The following ERMP1 variants were observed in gnomAD, a reference collection of about 807,000 sequenced individuals.
The protein encoded by ERMP1 is endoplasmic reticulum metallopeptidase 1.
Under a neutral mutation model 92.0 loss-of-function variants are expected in ERMP1, and 86 were observed. That is an observed-to-expected ratio of 0.93 (90% CI 0.79 to 1.12). The LOEUF (loss-of-function observed/expected upper bound fraction) is 1.12, where lower values mean the gene tolerates loss of function less well. Ranked by LOEUF, ERMP1 falls within the 50% of genes most tolerant of loss-of-function variation. ERMP1 has a pLI of 0.00. For synonymous variants in ERMP1, 530 were observed against 412.8 expected (o/e 1.28, Z -3.44); for missense variants, 1,342 against 1,116.3 (o/e 1.20, Z -2.88).
At position 5,860,670 on chromosome 9, in the gene ERMP1, A is replaced by G. The variant is rs1328349216; in HGVS notation, n.3056-1059T>C. On this transcript the variant is annotated intron_variant and non_coding_transcript_variant, in intron 5 of 6. Coordinates refer to the ERMP1 transcript ENST00000690753. ...CACTCTGTTGCCCAGGCTGGCCTCGAACTCCTGGCCTCAAGCAATCCTCCT... is the reference window on the plus strand; with the variant it reads ...CACTCTGTTGCCCAGGCTGGCCTCGGACTCCTGGCCTCAAGCAATCCTCCT... Among the ~76,000 whole-genome samples the G allele has an allele frequency of 2.7e-5, 4 of 148,214 alleles. No homozygotes were observed. The East Asian group carries it at 6.0e-4, about 22-fold the overall frequency.
intron 6 of ERMP1, among the ~76,000 whole-genome samples, chr9:5,850,764 T>C (rs151317049): frequency 6.6e-6 from 1 of 152,328 alleles, no homozygotes; most frequent in Non-Finnish European, 1.5e-5. Flanking sequence ...CAGTCAGAGT[T>C]GGAAACCCAT....
chr9:5,864,062 T>C (rs1347644375), intron 5 of ERMP1, among the ~76,000 whole-genome samples: 1 of 152,222 alleles, frequency 6.6e-6, no homozygotes, highest in Non-Finnish European at 1.5e-5. Flanking sequence ...AAAAAGCTTA[T>C]GATAGATATG....
rs779656163 is a variant in ERMP1 at position 5,833,033 on chromosome 9, C to G, written c.-6G>C. 5.5e-5 allele frequency: 82 copies of G among 1,497,410 alleles called. No homozygotes were observed. The highest frequency in any genetic ancestry group is 6.7e-5 in the Non-Finnish European group (76 of 1,133,468). The allele number at this position is 1,497,410 out of a possible 1,614,324, so 92.8% of individuals were successfully genotyped here. ...GACTCAGAACCCCACTCCATGGCCACGAGCCTCAGCTGCCAGCCCAACCGC... is the reference window on the plus strand; with the variant it reads ...GACTCAGAACCCCACTCCATGGCCAGGAGCCTCAGCTGCCAGCCCAACCGC... On this transcript the variant is annotated 5_prime_UTR_variant, in exon 1 of 15. Transcript: ENST00000339450.
chr9:5,805,373 C>A (rs1464126082), intron 9 of ERMP1, among the ~76,000 whole-genome samples, 156 bp from the exon 10 acceptor site: 1 of 152,010 alleles, frequency 6.6e-6, no homozygotes, highest in Non-Finnish European at 1.5e-5. Flanking sequence ...GGATCTTTCA[C>A]TCAGGATAAA....
At chr9:5,801,557 T>C (rs1828673862) in intron 10 of ERMP1, among the ~76,000 whole-genome samples, 1 of 152,278 alleles carries the variant, frequency 6.6e-6, no homozygotes, top group Middle Eastern at 3.4e-3. Context: ...GCCATGATGG[T>C]GCCACCTTTT....
chr9:5,836,885 C>T (rs1830101108), upstream of ERMP1, among the ~76,000 whole-genome samples: 2 of 152,126 alleles, frequency 1.3e-5, no homozygotes, highest in African/African-American at 4.8e-5. Flanking sequence ...ATGAGCTTAA[C>T]GGGCCTTGGA....
chr9:5,813,285 GATCA>G (rs1022075829), intron 4 of ERMP1, among the ~76,000 whole-genome samples: 1 of 152,024 alleles, frequency 6.6e-6, no homozygotes, highest in African/African-American at 2.4e-5. Context: ...GAAAATGAAA[GATCA>G]TTCATAAATC....
rs141830507 is a variant in ERMP1, at chr9:5,810,103, T to C, written c.1456A>G (p.Asn486Asp). ...SLIGQSLSWY[N>D]HFYVSVCLYG... ...AGACAAACGGAGACATAGAAGTGGT[T>C]ATACCATGAGAGAGACTGTCCAATA... The change falls in exon 8 of 15, where the codon AAC becomes GAC. Residue 486 changes from asparagine (N) to aspartate (D), a missense_variant. Coordinates refer to ENST00000339450, the MANE Select transcript of ERMP1 (RefSeq NM_024896.3). 610 of 1,613,796 alleles carry C rather than the reference T, an allele frequency of 3.8e-4. No homozygotes were observed. Among genetic ancestry groups the C allele is most frequent in the Non-Finnish European group, 4.7e-4 (553 of 1,179,804 alleles).
chr9:5,851,353 T>C (rs1307857987), intron 6 of ERMP1, among the ~76,000 whole-genome samples: 3 of 152,240 alleles, frequency 2.0e-5, no homozygotes, highest in Non-Finnish European at 2.9e-5. Flanking sequence ...ATGTCCTTTT[T>C]TGATTTATTC....
At position 5,833,029 on chromosome 9, in the gene ERMP1, G is replaced by A; in HGVS notation, c.-2C>T. ...AGCCGACTCAGAACCCCACTCCATG[G>A]CCACGAGCCTCAGCTGCCAGCCCAA... On this transcript the variant is annotated 5_prime_UTR_variant, in exon 1 of 15. Transcript: ENST00000339450. 6.6e-7 allele frequency: 1 copy of A among 1,513,866 alleles called. No individual in the cohort carries two copies. The highest frequency in any genetic ancestry group is 8.8e-7 in the Non-Finnish European group (1 of 1,141,376). 93.8% of individuals were successfully genotyped at this position (1,513,866 alleles called of 1,614,324 possible).
chr9:5,866,018 G>A lies in ERMP1; in HGVS notation n.3055+1784C>T, dbSNP rs532579179. Among the ~76,000 whole-genome samples, 4 of 152,142 alleles carry A rather than the reference G, an allele frequency of 2.6e-5. No homozygotes were observed. In the East Asian group the frequency reaches 7.7e-4, roughly 29 times the overall value. On this transcript the variant is annotated intron_variant and non_coding_transcript_variant, in intron 5 of 6. Transcript: ENST00000690753. ...ATTTTCCAAGTTTTTGGCAGTAAGT[G>A]TGTTACTTTTAATAATAATTTTTTA...
intron 6 of ERMP1, among the ~76,000 whole-genome samples, chr9:5,850,366 T>C (rs779866510): frequency 3.4e-5 from 4 of 117,722 alleles, no homozygotes; most frequent in Admixed American, 1.3e-4. Flanking sequence ...GATCGCACCA[T>C]TGCACTCCAG....
At chr9:5,805,459 A>G (rs973913508) in intron 9 of ERMP1, 152 bp downstream of exon 9, 3 of 665,334 alleles carry the variant, frequency 4.5e-6, no homozygotes, top group African/African-American at 1.9e-5. Flanking sequence ...GGGATGGAGT[A>G]TAAGGCATAA....
chr9:5,820,369 A>G (rs1829485532), intron 4 of ERMP1, among the ~76,000 whole-genome samples: 1 of 152,244 alleles, frequency 6.6e-6, no homozygotes, highest in South Asian at 2.1e-4. Context: ...ATATATACAC[A>G]TATATAAATG....
intron 6 of ERMP1, among the ~76,000 whole-genome samples, chr9:5,852,883 A>G (rs73391310): frequency 0.015 from 2,301 of 152,326 alleles, 51 homozygotes; most frequent in African/African-American, 0.051. Flanking sequence ...CTACAGGGTC[A>G]TCTCACCTGT....
At chr9:5,861,095 T>C (rs936138119) in intron 5 of ERMP1, among the ~76,000 whole-genome samples, 1 of 151,930 alleles carries the variant, frequency 6.6e-6, no homozygotes, top group African/African-American at 2.4e-5. Context: ...GAGACAGGGA[T>C]CTAGTAAGAA....
In ERMP1 at chr9:5,809,671, T is replaced by C. The variant is rs528918525; in HGVS notation, c.1548+340A>G. On this transcript the variant is annotated intron_variant, in intron 8 of 14. Coordinates refer to ENST00000339450, the MANE Select transcript of ERMP1 (RefSeq NM_024896.3). The stretch of plus-strand genomic sequence containing the variant: ...TATCCTCAAGGAGCTTACACTCCAA[T>C]GGAGAACAGATATTCAAATAACATA... Among the ~76,000 whole-genome samples, 12 of 152,278 alleles carry C rather than the reference T, an allele frequency of 7.9e-5. No individual in the cohort carries two copies. The South Asian group carries it at 2.5e-3, about 32-fold the overall frequency.
rs1208013819 is a variant in ERMP1, at chr9:5,825,230, G to A, written c.641-11C>T. 1.9e-6 allele frequency: 3 copies of A among 1,603,502 alleles called. No individual in the cohort carries two copies. The highest frequency in any genetic ancestry group is 1.3e-5 in the African/African-American group (1 of 74,196). On this transcript the variant is annotated splice_polypyrimidine_tract_variant and intron_variant, in intron 2 of 14. Transcript: ENST00000339450. ...CATCATCACTGGCACCTTCAAATCAGAAAAACAAATTTGCTGCTCAGATTT... is the reference window on the plus strand; with the variant it reads ...CATCATCACTGGCACCTTCAAATCAAAAAAACAAATTTGCTGCTCAGATTT...
At chr9:5,824,024 A>C in intron 3 of ERMP1, 23 bp from the exon 4 acceptor site, 2 of 1,562,424 alleles carry the variant, frequency 1.3e-6, no homozygotes, top group Non-Finnish European at 1.8e-6. Context: ...GAAAGAAAAC[A>C]AATATTTGTT....
Sources: gnomAD v4.1 joint callset for allele counts (sites outside exome capture counted in the v4.1 genomes callset) on GRCh38, gnomAD v4.1.1 for gene constraint, MANE v1.5 for transcripts, NCBI Gene and HGNC (gene_info 2026-07-23, HGNC 2026-07-21) for gene names.